Variants in DNM3 observed in about 807,000 individuals in gnomAD.
The protein encoded by DNM3 is dynamin 3, also known as dynamin-3.
In DNM3, 47 loss-of-function variants were observed where a neutral mutation model predicts 101.6. The observed-to-expected ratio is 0.46, with a 90% CI of 0.37 to 0.59. The LOEUF (loss-of-function observed/expected upper bound fraction) is 0.59, where lower values mean the gene tolerates loss of function less well. Ranked by LOEUF, DNM3 falls within the 20% of genes least tolerant of loss-of-function variation. DNM3 has a pLI of 0.00. For missense variants in DNM3, 849 were observed against 1,085.7 expected (o/e 0.78, Z 3.06); for synonymous variants, 385 against 387.9 (o/e 0.99, Z 0.09).
At chr1:172,251,020 T>G (rs980745398) in intron 14 of DNM3, among the ~76,000 whole-genome samples, 14 of 152,108 alleles carry the variant, frequency 9.2e-5, no homozygotes, top group African/African-American at 3.1e-4. Flanking sequence ...ATTACCAATA[T>G]AGTTTACATT....
At chr1:171,841,839 T>G in intron 1 of DNM3, 22 bp downstream of exon 1, 1 of 1,597,744 alleles carries the variant, frequency 6.3e-7, no homozygotes, top group Non-Finnish European at 8.5e-7. Flanking sequence ...GGGCGCGGAG[T>G]AAGGATGCGG....
chr1:172,337,952 T>A (rs2066520766), intron 17 of DNM3, among the ~76,000 whole-genome samples: 1 of 149,564 alleles, frequency 6.7e-6, no homozygotes, highest in Non-Finnish European at 1.5e-5. Context: ...GTCTGGCTTT[T>A]GTCCCCTAGG....
intron 1 of DNM3, among the ~76,000 whole-genome samples, chr1:171,880,778 T>C (rs1278362905): frequency 1.3e-5 from 2 of 152,176 alleles, no homozygotes; most frequent in Non-Finnish European, 2.9e-5. Flanking sequence ...TTTTGGTTTG[T>C]TTATATTAAA....
intron 14 of DNM3, among the ~76,000 whole-genome samples, chr1:172,147,727 A>G (rs146203074): frequency 1.3e-5 from 2 of 152,242 alleles, no homozygotes; most frequent in Admixed American, 6.5e-5. Context: ...TTTTGTTACA[A>G]GATTAGTGCA....
intron 20 of DNM3, among the ~76,000 whole-genome samples, chr1:172,404,098 T>G (rs1380728688): frequency 6.6e-6 from 1 of 152,130 alleles, no homozygotes; most frequent in Non-Finnish European, 1.5e-5. Flanking sequence ...AAATGTTTAT[T>G]TCTTCTGCAA....
At chr1:172,350,332 G>A (rs1460634421) in intron 17 of DNM3, among the ~76,000 whole-genome samples, 3 of 151,824 alleles carry the variant, frequency 2.0e-5, no homozygotes, top group Non-Finnish European at 4.4e-5. Flanking sequence ...GTGTGTGTGT[G>A]TGTGTGTGTG....
intron 2 of DNM3, among the ~76,000 whole-genome samples, chr1:171,947,719 G>T (rs980956214): frequency 1.3e-5 from 2 of 151,940 alleles, no homozygotes; most frequent in Non-Finnish European, 2.9e-5. Flanking sequence ...TACTCTTTGC[G>T]CATCTCCTCT....
At chr1:172,166,329 C>A (rs1371072954) in intron 14 of DNM3, among the ~76,000 whole-genome samples, 2 of 152,048 alleles carry the variant, frequency 1.3e-5, no homozygotes, top group African/African-American at 2.4e-5. Context: ...CTTGTGATTT[C>A]TTTTCTTTCT....
At chr1:172,168,939 A>G (rs2058849596) in intron 14 of DNM3, among the ~76,000 whole-genome samples, 1 of 151,970 alleles carries the variant, frequency 6.6e-6, no homozygotes. Context: ...GTAAGAGGTG[A>G]AACTTGGCAT....
intron 13 of DNM3, among the ~76,000 whole-genome samples, chr1:172,096,764 C>A (rs1558563085): frequency 6.6e-6 from 1 of 152,026 alleles, no homozygotes; most frequent in Non-Finnish European, 1.5e-5. Flanking sequence ...ACTCTTTCTT[C>A]CAAAGGTATT....
At chr1:171,918,389 G>C (rs1238223472) in intron 1 of DNM3, among the ~76,000 whole-genome samples, 1 of 152,156 alleles carries the variant, frequency 6.6e-6, no homozygotes, top group Non-Finnish European at 1.5e-5. Context: ...GGAAGGTTCT[G>C]TGTTTCTCAT....
intron 14 of DNM3, among the ~76,000 whole-genome samples, chr1:172,188,272 G>A (rs997537182): frequency 6.6e-6 from 1 of 152,044 alleles, no homozygotes; most frequent in African/African-American, 2.4e-5. Context: ...AGAACTATTA[G>A]GAGTTAGACT....
intron 11 of DNM3, among the ~76,000 whole-genome samples, chr1:172,077,778 T>G (rs1447965378): frequency 6.6e-6 from 1 of 152,204 alleles, no homozygotes; most frequent in Non-Finnish European, 1.5e-5. Flanking sequence ...TGTATTCTGT[T>G]GATTTGGGGT....
At chr1:172,292,630 T>C (rs370721354) in intron 15 of DNM3, among the ~76,000 whole-genome samples, 1 of 116,766 alleles carries the variant, frequency 8.6e-6, no homozygotes, top group Non-Finnish European at 2.0e-5. Context: ...CACACGCGCG[T>C]GCGTATATTC....
At chr1:172,010,613 ATTTTTT>A (rs749047166) in intron 4 of DNM3, among the ~76,000 whole-genome samples, 2 of 47,196 alleles carry the variant, frequency 4.2e-5, no homozygotes, top group Non-Finnish European at 8.2e-5. Flanking sequence ...TATTATGGCT[ATTTTTT>A]TTTTTTTTTT....
chr1:172,133,199 G>A, intron 14 of DNM3: 1 of 1,255,820 alleles, frequency 8.0e-7, no homozygotes, highest in East Asian at 3.6e-5. Context: ...CTGAAAATAA[G>A]CCCATTGGAA....
intron 11 of DNM3, among the ~76,000 whole-genome samples, chr1:172,076,132 T>C (rs940093098): frequency 1.3e-5 from 2 of 152,208 alleles, no homozygotes; most frequent in African/African-American, 4.8e-5. Flanking sequence ...TATTGGTGTA[T>C]AGGAATGCTT....
At chr1:171,892,591 A>T (rs937784397) in intron 1 of DNM3, among the ~76,000 whole-genome samples, 7 of 152,238 alleles carry the variant, frequency 4.6e-5, no homozygotes, top group African/African-American at 1.7e-4. Flanking sequence ...TAACAGTCAG[A>T]AACTTGGTTG....
At chr1:172,414,333 A>G (rs1403200050), downstream of DNM3, among the ~76,000 whole-genome samples, 3 of 152,246 alleles carry the variant, frequency 2.0e-5, no homozygotes, top group Non-Finnish European at 4.4e-5. Flanking sequence ...CTCAAAGTGC[A>G]TTCCATGAAA....
Sources: allele counts gnomAD v4.1 joint callset (sites outside exome capture counted in the v4.1 genomes callset), GRCh38; gene constraint gnomAD v4.1.1; transcripts MANE v1.5; gene names NCBI Gene and HGNC (gene_info 2026-07-23, HGNC 2026-07-21).